The following FRMPD4 variants were observed in gnomAD, a reference collection of about 807,000 sequenced individuals.
The protein encoded by FRMPD4 is FERM and PDZ domain containing 4.
FRMPD4 carries 22 observed loss-of-function variants against 94.1 expected under a neutral mutation model. That is an observed-to-expected ratio of 0.23 (90% confidence interval 0.17 to 0.33). The LOEUF (loss-of-function observed/expected upper bound fraction) is 0.33, where lower values mean the gene tolerates loss of function less well. Ranked by LOEUF, FRMPD4 falls within the 10% of genes least tolerant of loss-of-function variation. FRMPD4 has a pLI of 1.00. For synonymous variants in FRMPD4, 631 were observed against 548.6 expected (o/e 1.15, Z -2.10); for missense variants, 1,111 against 1,339.9 (o/e 0.83, Z 2.67).
rs1230732400 is a variant in FRMPD4 at position 12,255,745 on chromosome X, C to A, written c.41+116733C>A. Reference sequence around the variant, plus strand: ...GCCATGCAATCCAATGTCTGTTCATCAAGGCAATAGGTTTGTAGATGAAGG... The same window carrying A: ...GCCATGCAATCCAATGTCTGTTCATAAAGGCAATAGGTTTGTAGATGAAGG... On this transcript the variant is annotated intron_variant, in intron 1 of 16. Coordinates refer to ENST00000675598, the MANE Select transcript of FRMPD4 (RefSeq NM_001368397.1). 2.7e-5 allele frequency among the ~76,000 whole-genome samples: 3 copies of A among 111,975 alleles called. No homozygotes were observed. In the Admixed American group the frequency reaches 2.8e-4, roughly 11 times the overall value.
intron 14 of FRMPD4, among the ~76,000 whole-genome samples, chrX:12,714,124 C>T (rs2042037476): frequency 9.2e-6 from 1 of 109,180 alleles, no homozygotes; most frequent in South Asian, 3.8e-4. Flanking sequence ...TTTATTGGAA[C>T]TCAACCACAC....
intron 1 of FRMPD4, among the ~76,000 whole-genome samples, chrX:11,833,542 A>G (rs1229463219): frequency 2.7e-5 from 3 of 111,619 alleles, no homozygotes; most frequent in Non-Finnish European, 5.7e-5. Context: ...CTTCTTTTTG[A>G]ATGCCCCCCA....
chrX:12,027,211 C>T (rs2054666216), intron 3 of FRMPD4, among the ~76,000 whole-genome samples: 1 of 112,114 alleles, frequency 8.9e-6, no homozygotes, highest in Admixed American at 9.5e-5. Context: ...ATCTAGGGCT[C>T]ATTGTTACTC....
intron 3 of FRMPD4, among the ~76,000 whole-genome samples, chrX:11,976,310 A>T (rs1344558326): frequency 1.8e-5 from 2 of 112,335 alleles, no homozygotes; most frequent in Non-Finnish European, 3.8e-5. Context: ...GTAAGGAAAT[A>T]AAAAAATTGG....
At chrX:12,674,818 G>C in intron 4 of FRMPD4, 45 bp from the exon 5 acceptor site, 1 of 818,482 alleles carries the variant, frequency 1.2e-6, no homozygotes, top group Non-Finnish European at 1.9e-6. Context: ...GTTAGAGTCC[G>C]GGCTCAGTGC....
intron 3 of FRMPD4, among the ~76,000 whole-genome samples, chrX:12,071,317 A>G (rs1398441415): frequency 9.0e-6 from 1 of 110,860 alleles, no homozygotes; most frequent in Non-Finnish European, 1.9e-5. Flanking sequence ...TTTTTAAATG[A>G]CAGGAACCAT....
intron 1 of FRMPD4, among the ~76,000 whole-genome samples, chrX:12,461,505 A>G (rs1409425980): frequency 8.9e-6 from 1 of 111,946 alleles, no homozygotes; most frequent in Non-Finnish European, 1.9e-5. Flanking sequence ...GAAGTACATG[A>G]CGCCATCAAT....
intron 13 of FRMPD4, 113 bp downstream of exon 13, chrX:12,707,764 C>G: frequency 1.8e-6 from 1 of 558,457 alleles, no homozygotes; most frequent in Non-Finnish European, 2.8e-6. Flanking sequence ...ATCACAGATG[C>G]AATGTGGTGC....
chrX:12,286,187 A>G (rs1416416160), intron 1 of FRMPD4, among the ~76,000 whole-genome samples: 1 of 112,043 alleles, frequency 8.9e-6, no homozygotes, highest in East Asian at 2.8e-4. Context: ...ACACACAAAC[A>G]TCTGTATATT....
At chrX:11,977,415 C>T (rs1192519296) in intron 3 of FRMPD4, among the ~76,000 whole-genome samples, 1 of 112,194 alleles carries the variant, frequency 8.9e-6, no homozygotes. Context: ...ATTTAAAAGG[C>T]GTTGACTATC....
At chrX:12,331,578 T>C (rs12010694) in intron 1 of FRMPD4, among the ~76,000 whole-genome samples, 4,631 of 88,042 alleles carry the variant, frequency 0.053, 340 homozygotes, top group African/African-American at 0.18. Context: ...CTCACTTAGT[T>C]ATATGAAACG....
chrX:12,334,333 G>A (rs762932080), intron 1 of FRMPD4, among the ~76,000 whole-genome samples: 4 of 111,080 alleles, frequency 3.6e-5, no homozygotes, highest in Non-Finnish European at 7.5e-5. Context: ...TTCTTTCTCG[G>A]ATTCGTGTCA....
chrX:12,032,206 T>C (rs1231621025), intron 3 of FRMPD4, among the ~76,000 whole-genome samples: 1 of 112,119 alleles, frequency 8.9e-6, no homozygotes, highest in East Asian at 2.8e-4. Flanking sequence ...CATACAGTAC[T>C]TGAAGCCATA....
chrX:11,960,144 T>C (rs2054276787), intron 3 of FRMPD4, among the ~76,000 whole-genome samples: 1 of 112,144 alleles, frequency 8.9e-6, no homozygotes, highest in African/African-American at 3.2e-5. Context: ...TATTACAATG[T>C]TGGGGAATAA....
At chrX:12,346,042 T>TG (rs1209414910) in intron 1 of FRMPD4, among the ~76,000 whole-genome samples, 1 of 103,551 alleles carries the variant, frequency 9.7e-6, no homozygotes, top group Non-Finnish European at 1.9e-5. Context: ...ATCTCTAGTT[T>TG]TTTTTTTTTT....
chrX:12,698,138 A>C (rs1227012115), intron 9 of FRMPD4, among the ~76,000 whole-genome samples: 1 of 112,141 alleles, frequency 8.9e-6, no homozygotes, highest in Non-Finnish European at 1.9e-5. Context: ...ACAAAGATAA[A>C]ATCAATTTAA....
chrX:12,326,537 A>C (rs994280609), intron 1 of FRMPD4, among the ~76,000 whole-genome samples: 2 of 111,833 alleles, frequency 1.8e-5, no homozygotes. Flanking sequence ...CAGGGGGATA[A>C]AACTGCCCCT....
intron 1 of FRMPD4, among the ~76,000 whole-genome samples, chrX:12,428,014 A>G (rs1438334004): frequency 1.1e-5 from 1 of 94,866 alleles, no homozygotes; most frequent in Admixed American, 1.4e-4. Context: ...GGTTCACACC[A>G]TTCTCCTGCC....
intron 2 of FRMPD4, among the ~76,000 whole-genome samples, chrX:12,530,561 A>C (rs1440427786): frequency 9.0e-6 from 1 of 111,107 alleles, no homozygotes; most frequent in Non-Finnish European, 1.9e-5. Flanking sequence ...ACAACAATGA[A>C]AAAGAGGATA....
Sources: allele counts gnomAD v4.1 joint callset (sites outside exome capture counted in the v4.1 genomes callset), GRCh38; gene constraint gnomAD v4.1.1; transcripts MANE v1.5; gene names NCBI Gene and HGNC (gene_info 2026-07-23, HGNC 2026-07-21).